RBFOX1: variants seen among roughly 807,000 people sequenced by gnomAD.
RBFOX1 encodes the protein RNA binding fox-1 homolog 1.
Under a neutral mutation model 57.7 loss-of-function variants are expected in RBFOX1, and 8 were observed. The ratio of observed to expected loss-of-function variants is 0.14; its 90% CI spans 0.08 to 0.25. RBFOX1 has a LOEUF of 0.25. Ranked by LOEUF, RBFOX1 falls within the 10% of genes least tolerant of loss-of-function variation. The pLI is 1.00. For synonymous variants in RBFOX1, 326 were observed against 222.4 expected (o/e 1.47, Z -4.15); for missense variants, 611 against 548.5 (o/e 1.11, Z -1.14).
Position 7,309,449 on chromosome 16 carries a change from G to A in RBFOX1, c.28-208698G>A, listed in dbSNP as rs912322451. ...CACAGACCAAAGCCTTGTGCCATTC[G>A]CCTGCTCTGCCTGCCATTTTGAGGC... On this transcript the variant is annotated intron_variant, in intron 4 of 15. Transcript: ENST00000550418. 2.6e-5 allele frequency among the ~76,000 whole-genome samples: 4 copies of A among 152,240 alleles called. 1 individual carries two copies. Among genetic ancestry groups the A allele is most frequent in the South Asian group, 2.1e-4 (1 of 4,818 alleles).
chr16:5,946,843 T>C lies in RBFOX1; in HGVS notation c.351+79508T>C, dbSNP rs2059409712. 6.6e-6 allele frequency among the ~76,000 whole-genome samples: 1 copy of C among 152,116 alleles called. No individual in the cohort carries two copies. Among genetic ancestry groups the C allele is most frequent in the South Asian group, 2.1e-4 (1 of 4,830 alleles). On this transcript the variant is annotated intron_variant, in intron 4 of 19. Coordinates refer to the RBFOX1 transcript ENST00000641259. This position sits in a 1 kb window ranked among gnomAD's most constrained non-coding sequence, Gnocchi z 4.6. ...TTGGTGATGGCAGAGATTTGGAGCA[T>C]TGCTTGGTGTGAAATAAAACCCAAC... is the stretch of plus-strand genomic sequence containing the variant.
intron 3 of RBFOX1, among the ~76,000 whole-genome samples, chr16:5,791,659 C>G (rs1478885880): frequency 2.6e-5 from 4 of 152,104 alleles, no homozygotes; most frequent in East Asian, 3.9e-4. Flanking sequence ...GAGCTGAATG[C>G]AAATTCACAT....
intron 4 of RBFOX1, among the ~76,000 whole-genome samples, chr16:5,905,898 CT>C (rs912582263): frequency 6.6e-6 from 1 of 152,200 alleles, no homozygotes; most frequent in Admixed American, 6.5e-5. Flanking sequence ...GAATTCATCT[CT>C]TTTTCCCGAC....
At chr16:5,551,834 C>A (rs1204556204) in intron 2 of RBFOX1, among the ~76,000 whole-genome samples, 2 of 151,552 alleles carry the variant, frequency 1.3e-5, no homozygotes, top group African/African-American at 4.9e-5. Context: ...TGTTCCCCTC[C>A]CTGTGTCCAT....
At chr16:6,084,741 C>T (rs2096060874) in intron 1 of RBFOX1, among the ~76,000 whole-genome samples, 1 of 151,890 alleles carries the variant, frequency 6.6e-6, no homozygotes, top group Non-Finnish European at 1.5e-5. Flanking sequence ...TCAGAGGGCC[C>T]ACCTCTTCAT....
intron 3 of RBFOX1, among the ~76,000 whole-genome samples, chr16:6,909,601 A>T (rs1317744174): frequency 6.6e-6 from 1 of 152,220 alleles, no homozygotes; most frequent in African/African-American, 2.4e-5. Flanking sequence ...AGGGACATGT[A>T]ATCTCCCCAA....
Position 6,854,587 on chromosome 16 carries a change from A to ATTTTTTTTTTTTTTTTTT in RBFOX1, c.-15-197462_-15-197445dup, listed in dbSNP as rs71147611. ...CCTCCCTGCCAACTAGGAGAGGTGA[A>ATTTTTTTTTTTTTTTTTT]TTTTTTTTTTTTTTTTTTTTTTTTT... On this transcript the variant is annotated intron_variant, in intron 3 of 15. Coordinates refer to ENST00000550418, the MANE Select transcript of RBFOX1 (RefSeq NM_018723.4). Among the ~76,000 whole-genome samples, 30 of 70,638 alleles carry ATTTTTTTTTTTTTTTTTT rather than the reference A, an allele frequency of 4.2e-4. 2 individuals are homozygous for ATTTTTTTTTTTTTTTTTT. The highest frequency in any genetic ancestry group is 5.9e-4 in the Non-Finnish European group (23 of 39,142). The allele number at this position is 70,638 out of a possible 152,430, so 46.3% of individuals were successfully genotyped here.
At chr16:6,823,028 C>T (rs1335755895) in intron 3 of RBFOX1, among the ~76,000 whole-genome samples, 1 of 152,074 alleles carries the variant, frequency 6.6e-6, no homozygotes, top group East Asian at 1.9e-4. Flanking sequence ...GTGCATTATT[C>T]TGATGTCATG....
intron 1 of RBFOX1, chr16:5,365,715 G>A (rs554418468): frequency 3.3e-5 from 13 of 392,974 alleles, no homozygotes; most frequent in East Asian, 2.1e-4. Context: ...GTGTGATTCC[G>A]TCCTGCATGG....
chr16:6,743,691 T>C (rs2072869535), intron 3 of RBFOX1, among the ~76,000 whole-genome samples: 1 of 151,938 alleles, frequency 6.6e-6, no homozygotes, highest in Non-Finnish European at 1.5e-5. Flanking sequence ...TGCACTGGGC[T>C]GTCATCACAC....
intron 3 of RBFOX1, among the ~76,000 whole-genome samples, chr16:5,608,683 C>T (rs2047672568): frequency 6.6e-6 from 1 of 152,190 alleles, no homozygotes. Flanking sequence ...TTGTCTGTTA[C>T]AAGGCTGCAA....
intron 2 of RBFOX1, among the ~76,000 whole-genome samples, chr16:6,508,120 A>G (rs910740614): frequency 6.6e-6 from 1 of 152,176 alleles, no homozygotes; most frequent in Non-Finnish European, 1.5e-5. Flanking sequence ...GGAGCAGAAA[A>G]CCAAATACTG....
At chr16:7,153,458 C>T (rs143404518) in intron 4 of RBFOX1, among the ~76,000 whole-genome samples, 24 of 152,040 alleles carry the variant, frequency 1.6e-4, no homozygotes, top group African/African-American at 5.3e-4. Flanking sequence ...ATCTGTTGGC[C>T]GGGCAAGGTG....
At chr16:6,358,196 C>T (rs1006816770) in intron 2 of RBFOX1, among the ~76,000 whole-genome samples, 6 of 152,156 alleles carry the variant, frequency 3.9e-5, no homozygotes, top group African/African-American at 1.4e-4. Flanking sequence ...GAAACACTGA[C>T]ACCTCCTTCA....
intron 3 of RBFOX1, among the ~76,000 whole-genome samples, chr16:5,702,775 G>A (rs1383554769): frequency 6.6e-6 from 1 of 152,170 alleles, no homozygotes; most frequent in African/African-American, 2.4e-5. Flanking sequence ...CTGCTTGGGG[G>A]TTGGCAAGTA....
chr16:6,654,710 C>A (rs2098633799), intron 3 of RBFOX1, 60 bp downstream of exon 3: 2 of 1,341,474 alleles, frequency 1.5e-6, no homozygotes, highest in Non-Finnish European at 2.0e-6. Context: ...GTGAATTGAA[C>A]CCAGGTGTTT....
At chr16:6,285,902 T>C (rs1176862786) in intron 1 of RBFOX1, among the ~76,000 whole-genome samples, 1 of 152,154 alleles carries the variant, frequency 6.6e-6, no homozygotes, top group African/African-American at 2.4e-5. Context: ...CAATAAATCA[T>C]CAGTCACATA....
chr16:7,216,273 C>G (rs568929144), intron 4 of RBFOX1, among the ~76,000 whole-genome samples: 3 of 152,300 alleles, frequency 2.0e-5, no homozygotes, highest in South Asian at 4.1e-4. Flanking sequence ...AGTCCAGGTT[C>G]TCTCATTGAC....
chr16:7,219,608 G>A (rs532234501), intron 4 of RBFOX1, among the ~76,000 whole-genome samples: 8 of 152,272 alleles, frequency 5.3e-5, no homozygotes, highest in South Asian at 2.1e-4. Context: ...AAGAACAAGC[G>A]TGGCGGATTT....
Sources: gnomAD v4.1 joint callset for allele counts (sites outside exome capture counted in the v4.1 genomes callset) on GRCh38, gnomAD v4.1.1 for gene constraint, Gnocchi (gnomAD v3.1) non-coding constraint, MANE v1.5 for transcripts, NCBI Gene and HGNC (gene_info 2026-07-23, HGNC 2026-07-21) for gene names.